Variants in NBAS observed in about 807,000 individuals in gnomAD.
The protein encoded by NBAS is NBAS subunit of NRZ tethering complex, also known as NAG/BC035112 fusion.
In NBAS, 219 loss-of-function variants were observed where a neutral mutation model predicts 302.5. That is an observed-to-expected ratio of 0.72 (90% CI 0.65 to 0.81). NBAS has a LOEUF of 0.81. Ranked by LOEUF, NBAS falls within the 30% of genes least tolerant of loss-of-function variation. The pLI is 0.00. For missense variants in NBAS, 2,932 were observed against 2,841.6 expected (o/e 1.03, Z -0.72); for synonymous variants, 1,118 against 1,021.6 (o/e 1.09, Z -1.80).
chr2:14,948,162 T>C, the NBAS span, among the ~76,000 whole-genome samples: 1 of 152,092 alleles, frequency 6.6e-6, no homozygotes, highest in South Asian at 2.1e-4. Flanking sequence ...TATTGACCTG[T>C]GGTTTTCTTT....
chr2:15,541,987 C>G (rs1663865186), intron 6 of NBAS, among the ~76,000 whole-genome samples: 1 of 76,632 alleles, frequency 1.3e-5, no homozygotes, highest in African/African-American at 4.8e-5. Flanking sequence ...CCAGCCACCC[C>G]GTCCGGGAGG....
At chr2:15,402,021 A>G (rs1239931833) in intron 26 of NBAS, 147 bp downstream of exon 26, 1 of 796,322 alleles carries the variant, frequency 1.3e-6, no homozygotes, top group Non-Finnish European at 2.1e-6. Flanking sequence ...ATCCTAGGCA[A>G]TAGGATTGCA....
At chr2:15,157,660 T>C in the NBAS span, among the ~76,000 whole-genome samples, 1 of 152,180 alleles carries the variant, frequency 6.6e-6, no homozygotes, top group Non-Finnish European at 1.5e-5. Flanking sequence ...AAGCCTATTT[T>C]TGCCCTAGAG....
intron 50 of NBAS, among the ~76,000 whole-genome samples, chr2:15,181,093 C>T (rs1664798428): frequency 6.6e-6 from 1 of 152,202 alleles, no homozygotes; most frequent in Admixed American, 6.5e-5. Flanking sequence ...ATTGTTCCTT[C>T]TCTGTATTCT....
At chr2:15,037,050 A>T in the NBAS span, among the ~76,000 whole-genome samples, 2 of 152,212 alleles carry the variant, frequency 1.3e-5, no homozygotes, top group Non-Finnish European at 2.9e-5. Context: ...TTAAATGTAA[A>T]CATCAAAGGG....
At chr2:15,317,452 C>G (rs925958476) in intron 38 of NBAS, among the ~76,000 whole-genome samples, 1 of 152,060 alleles carries the variant, frequency 6.6e-6, no homozygotes, top group Non-Finnish European at 1.5e-5. Context: ...CAAACTTCTC[C>G]GAGCTAAAGG....
chr2:15,422,378 A>G (rs1385228348), intron 23 of NBAS, among the ~76,000 whole-genome samples: 1 of 152,196 alleles, frequency 6.6e-6, no homozygotes, highest in Non-Finnish European at 1.5e-5. Context: ...ACTAAAGGAC[A>G]TCTTGATTCT....
Position 15,374,624 on chromosome 2 carries a change from C to T in NBAS, c.3687G>A (p.Lys1229=). The T allele has an allele frequency of 6.2e-7, 1 of 1,613,780 alleles. No individual in the cohort carries two copies. The highest frequency in any genetic ancestry group is 8.5e-7 in the Non-Finnish European group (1 of 1,179,716). Residue 1229 remains lysine, a synonymous_variant, in exon 31 of 52, where the codon AAG becomes AAA. Transcript: ENST00000281513. ...AAAACTCACCTTGCAAAGGCAGGAT[C>T]TTTACCCCAAATTCTTCAAGACATC... ...AVGCLEEFGV[K]ILPLQVRLCP...
At chr2:15,040,177 C>T in the NBAS span, among the ~76,000 whole-genome samples, 1 of 152,162 alleles carries the variant, frequency 6.6e-6, no homozygotes, top group Admixed American at 6.5e-5. Context: ...AGAGCGTGGA[C>T]TGTTTTTCTC....
chr2:14,796,676 T>C, the NBAS span, among the ~76,000 whole-genome samples: 1 of 151,998 alleles, frequency 6.6e-6, no homozygotes, highest in Admixed American at 6.6e-5. Flanking sequence ...AAAAACAGCC[T>C]GAAGCCTGAA....
At chr2:15,386,095 G>A (rs796500246) in intron 28 of NBAS, among the ~76,000 whole-genome samples, 15 of 152,300 alleles carry the variant, frequency 9.8e-5, no homozygotes, top group African/African-American at 2.9e-4. Flanking sequence ...CCTAACTGAG[G>A]TGTATGGTGG....
chr2:15,269,463 C>A (rs1159201000), intron 44 of NBAS, among the ~76,000 whole-genome samples: 1 of 152,058 alleles, frequency 6.6e-6, no homozygotes, highest in South Asian at 2.1e-4. Flanking sequence ...GTGAACAAAG[C>A]GAGACTGTGA....
the NBAS span, among the ~76,000 whole-genome samples, chr2:14,806,508 C>G: frequency 2.0e-5 from 3 of 152,158 alleles, no homozygotes; most frequent in African/African-American, 7.2e-5. Flanking sequence ...CGATTCCATG[C>G]ACTTTCTGCC....
chr2:14,795,488 T>TATATATATATATA, the NBAS span, among the ~76,000 whole-genome samples: 4 of 151,602 alleles, frequency 2.6e-5, no homozygotes, highest in African/African-American at 9.8e-5. Context: ...TATATATATA[T>TATATATATATATA]TCTGGATACA....
chr2:15,137,106 G>A, the NBAS span, among the ~76,000 whole-genome samples: 11 of 152,254 alleles, frequency 7.2e-5, no homozygotes, highest in African/African-American at 2.6e-4. Flanking sequence ...AAGCAAGAAG[G>A]TACCATCCAT....
the NBAS span, among the ~76,000 whole-genome samples, chr2:14,783,874 T>C: frequency 4.6e-5 from 7 of 150,566 alleles, no homozygotes; most frequent in African/African-American, 1.5e-4. Flanking sequence ...TTTCTAGTTC[T>C]AGATCCCTGA....
the NBAS span, among the ~76,000 whole-genome samples, chr2:14,808,495 T>C: frequency 3.9e-5 from 6 of 152,142 alleles, no homozygotes; most frequent in Non-Finnish European, 7.3e-5. Context: ...TCTCATGAGA[T>C]CTGATGGTGT....
intron 14 of NBAS, 59 bp downstream of exon 14, chr2:15,475,628 A>G (rs1228044207): frequency 6.8e-7 from 1 of 1,474,590 alleles, no homozygotes; most frequent in African/African-American, 1.4e-5. Flanking sequence ...TAAAAACCAG[A>G]TATTTAAATT....
chr2:15,065,417 A>G, the NBAS span, among the ~76,000 whole-genome samples: 2 of 152,128 alleles, frequency 1.3e-5, no homozygotes, highest in African/African-American at 2.4e-5. Context: ...TAGGCAAGAA[A>G]AAGAAATAAA....
Sources: gnomAD v4.1 joint callset for allele counts (sites outside exome capture counted in the v4.1 genomes callset) on GRCh38, gnomAD v4.1.1 for gene constraint, MANE v1.5 for transcripts, NCBI Gene and HGNC (gene_info 2026-07-23, HGNC 2026-07-21) for gene names.